EPB41L5: variants seen among roughly 807,000 people sequenced by gnomAD.
The protein encoded by EPB41L5 is erythrocyte membrane protein band 4.1 like 5.
Under a neutral mutation model 106.6 loss-of-function variants are expected in EPB41L5, and 55 were observed. That is an observed-to-expected ratio of 0.52 (90% CI 0.42 to 0.65). The LOEUF (loss-of-function observed/expected upper bound fraction) is 0.65. EPB41L5 is among the 30% of genes least tolerant of loss of function. The pLI is 0.00. For missense variants in EPB41L5, 871 were observed against 882.1 expected, an observed-to-expected ratio of 0.99 and a Z score of 0.16; for synonymous variants, 297 against 306.7, an observed-to-expected ratio of 0.97 and a Z score of 0.33.
At chr2:120,119,413 TC>T (rs1448255487) in intron 16 of EPB41L5, among the ~76,000 whole-genome samples, 1 of 152,186 alleles carries the variant, frequency 6.6e-6, no homozygotes, top group Non-Finnish European at 1.5e-5. Flanking sequence ...GGCATTTTCA[TC>T]ATGAAATCTT....
intron 20 of EPB41L5, among the ~76,000 whole-genome samples, chr2:120,153,837 G>A (rs953833646): frequency 2.0e-5 from 3 of 152,064 alleles, no homozygotes; most frequent in Non-Finnish European, 4.4e-5. Flanking sequence ...GTTACTATTT[G>A]CATTGAATAT....
At chr2:120,098,224 T>G (rs371079012) in intron 14 of EPB41L5, among the ~76,000 whole-genome samples, 3 of 147,106 alleles carry the variant, frequency 2.0e-5, no homozygotes, top group East Asian at 2.1e-4. Context: ...TGTTGTTGTT[T>G]TTTGAGACAG....
At chr2:120,118,796 G>A (rs953359023) in intron 16 of EPB41L5, among the ~76,000 whole-genome samples, 3 of 152,122 alleles carry the variant, frequency 2.0e-5, no homozygotes, top group African/African-American at 4.8e-5. Context: ...TGCTGTGATG[G>A]ACATATGCAT....
intron 10 of EPB41L5, among the ~76,000 whole-genome samples, chr2:120,080,989 T>C (rs1478514328): frequency 1.3e-5 from 2 of 152,140 alleles, no homozygotes; most frequent in Non-Finnish European, 2.9e-5. Context: ...GTTTGAGTTC[T>C]TTGTAGATTC....
At chr2:120,057,560 A>T (rs1315893405) in intron 3 of EPB41L5, among the ~76,000 whole-genome samples, 1 of 152,124 alleles carries the variant, frequency 6.6e-6, no homozygotes, top group Non-Finnish European at 1.5e-5. Context: ...TTAAGGGAAG[A>T]TGGATAATGG....
intron 20 of EPB41L5, among the ~76,000 whole-genome samples, chr2:120,152,703 A>G (rs1389631182): frequency 6.6e-6 from 1 of 152,250 alleles, no homozygotes; most frequent in Non-Finnish European, 1.5e-5. Context: ...AATATTTGGT[A>G]GAATTCACCA....
intron 16 of EPB41L5, chr2:120,104,122 C>T (rs77751381): frequency 2.0e-6 from 3 of 1,535,878 alleles, no homozygotes; most frequent in Non-Finnish European, 2.6e-6. Flanking sequence ...AGGGCCTTGC[C>T]CCCACCCCAG....
In EPB41L5 at chr2:120,077,212, A is replaced by T. The variant is rs757030379; in HGVS notation, c.627-17A>T. 1 of 1,595,752 alleles carries T rather than the reference A, an allele frequency of 6.3e-7. No individual in the cohort carries two copies. The highest frequency in any genetic ancestry group is 8.5e-7 in the Non-Finnish European group (1 of 1,171,372). ...TATATTTATTGTTACTTTAAAAATC[A>T]TTGTTTTAAATTTCAGAGGTCAAAC... On this transcript the variant is annotated splice_polypyrimidine_tract_variant and intron_variant, in intron 8 of 24. Coordinates refer to ENST00000263713, the MANE Select transcript of EPB41L5 (RefSeq NM_020909.4).
At chr2:120,159,808 T>C (rs374773082) in intron 20 of EPB41L5, among the ~76,000 whole-genome samples, 4 of 152,224 alleles carry the variant, frequency 2.6e-5, no homozygotes, top group African/African-American at 9.6e-5. Context: ...GGAGAAAGGC[T>C]TCCCTATTCA....
chr2:120,100,378 A>C, intron 15 of EPB41L5, 92 bp downstream of exon 15: 2 of 1,166,652 alleles, frequency 1.7e-6, no homozygotes, highest in East Asian at 4.7e-5. Flanking sequence ...TGGTGTATGT[A>C]ACCCTGCACA....
chr2:120,062,276 T>C (rs1022384329), intron 3 of EPB41L5, among the ~76,000 whole-genome samples: 3 of 152,220 alleles, frequency 2.0e-5, no homozygotes, highest in Admixed American at 2.0e-4. Flanking sequence ...AATGTATATA[T>C]GTGTATATTG....
intron 3 of EPB41L5, among the ~76,000 whole-genome samples, chr2:120,042,600 T>C (rs1182758381): frequency 6.6e-6 from 1 of 152,208 alleles, no homozygotes; most frequent in East Asian, 1.9e-4. Flanking sequence ...ACAGCATACA[T>C]AATGGAGTAG....
intron 16 of EPB41L5, chr2:120,106,277 G>A (rs1412487306): frequency 1.0e-6 from 1 of 985,340 alleles, no homozygotes; most frequent in Non-Finnish European, 1.2e-6. Context: ...AAAGGGCTAA[G>A]GCTGGATGGT....
chr2:120,018,157 C>T (rs528086114), intron 1 of EPB41L5, among the ~76,000 whole-genome samples: 12 of 151,690 alleles, frequency 7.9e-5, no homozygotes, highest in East Asian at 1.9e-4. Flanking sequence ...TTAGTAGAGA[C>T]GGGGTTTCAC....
intron 14 of EPB41L5, among the ~76,000 whole-genome samples, chr2:120,095,520 A>T (rs1683690916): frequency 6.7e-6 from 1 of 149,652 alleles, no homozygotes; most frequent in Non-Finnish European, 1.5e-5. Context: ...TTTAGACTAC[A>T]TAATCTCACT....
intron 3 of EPB41L5, among the ~76,000 whole-genome samples, chr2:120,063,906 C>T (rs1356854716): frequency 6.6e-6 from 1 of 151,700 alleles, no homozygotes; most frequent in East Asian, 1.9e-4. Flanking sequence ...CGCGCCACTG[C>T]ACTCCAGCCT....
In EPB41L5 at chr2:120,073,998, A is replaced by G. The variant is rs572205981; in HGVS notation, c.329-102A>G. ...CCTGCAATAATGCCATAAAAACCTC[A>G]TCTTTTGTCTCACTTCAGTAGATTT... On this transcript the variant is annotated intron_variant, in intron 4 of 24. Transcript: ENST00000263713. 2.4e-5 allele frequency: 20 copies of G among 838,278 alleles called. No individual in the cohort carries two copies. In the African/African-American group the frequency reaches 2.9e-4, roughly 12 times the overall value. The allele number at this position is 838,278 out of a possible 1,614,324, so 51.9% of individuals were successfully genotyped here.
intron 2 of EPB41L5, among the ~76,000 whole-genome samples, chr2:120,028,671 T>C (rs1678500402): frequency 6.6e-6 from 1 of 152,142 alleles, no homozygotes; most frequent in African/African-American, 2.4e-5. Context: ...TGAGGCTGCA[T>C]AGGAAAGAGT....
chr2:120,106,469 T>A, intron 16 of EPB41L5: 1 of 985,320 alleles, frequency 1.0e-6, no homozygotes, highest in Non-Finnish European at 1.2e-6. Flanking sequence ...CCAACCTATT[T>A]ACACTCTACA....
Sources: gnomAD v4.1 joint callset for allele counts (sites outside exome capture counted in the v4.1 genomes callset) on GRCh38, gnomAD v4.1.1 for gene constraint, MANE v1.5 for transcripts, NCBI Gene and HGNC (gene_info 2026-07-23, HGNC 2026-07-21) for gene names.